Variants in COL12A1 observed in about 807,000 individuals in gnomAD.
COL12A1 encodes collagen type XII alpha 1 chain.
In COL12A1, 114 loss-of-function variants were observed where a neutral mutation model predicts 349.7. That is an observed-to-expected ratio of 0.33 (90% confidence interval 0.28 to 0.38). The LOEUF (loss-of-function observed/expected upper bound fraction) is 0.38, where lower values mean the gene tolerates loss of function less well. Among genes scored for constraint, COL12A1 ranks in the 10% least tolerant of loss-of-function variants. The pLI is 1.00. For missense variants in COL12A1, 3,284 were observed against 3,756.9 expected (o/e 0.87, Z 3.29); for synonymous variants, 1,369 against 1,329.0 (o/e 1.03, Z -0.66).
intron 21 of COL12A1, 35 bp from the exon 22 acceptor site, chr6:75,148,532 A>G: frequency 6.4e-7 from 1 of 1,572,032 alleles, no homozygotes; most frequent in Non-Finnish European, 8.7e-7. Context: ...CACTTTTCTC[A>G]TTATTGTAGA....
intron 13 of COL12A1, among the ~76,000 whole-genome samples, chr6:75,167,226 G>T (rs1768353915): frequency 6.6e-6 from 1 of 152,052 alleles, no homozygotes; most frequent in African/African-American, 2.4e-5. Flanking sequence ...TTGGCTGTGG[G>T]CTTCTTTGTT....
Position 75,113,313 on chromosome 6 carries a change from G to A in COL12A1, c.7841C>T (p.Pro2614Leu), listed in dbSNP as rs1194345062. The A allele has an allele frequency of 2.0e-6, 3 of 1,534,102 alleles. No homozygotes were observed. Among genetic ancestry groups the A allele is most frequent in the Non-Finnish European group, 2.6e-6 (3 of 1,142,050 alleles). Residue 2614 changes from proline to leucine, a missense_variant and splice_region_variant, in exon 51 of 66, where the codon CCT becomes CTT. By Grantham distance (98) the Pro-to-Leu change is moderately conservative. Transcript: ENST00000322507. The stretch of plus-strand genomic sequence containing the variant: ...AAAGAATGATAACGTCTTGCTAGAA[G>A]CTGTAATCAACATAAAAGTGTTATT... ...YKPQVGVIADPSSKTLSFFNK... is the reference protein window; with the variant it reads ...YKPQVGVIADLSSKTLSFFNK...
rs572621051 is a variant in COL12A1, at chr6:75,118,630, T to C, written c.7354+413A>G. 1.2e-4 allele frequency among the ~76,000 whole-genome samples: 18 copies of C among 152,318 alleles called. No homozygotes were observed. The South Asian group carries it at 3.5e-3, about 30-fold the overall frequency. On this transcript the variant is annotated intron_variant, in intron 46 of 65. Coordinates refer to ENST00000322507, the MANE Select transcript of COL12A1 (RefSeq NM_004370.6). ...CTCAATACTCCTTATTTGCAACATATCTTTTAGCACTCATTAAGTCTGCAT... is the reference window on the plus strand; with the variant it reads ...CTCAATACTCCTTATTTGCAACATACCTTTTAGCACTCATTAAGTCTGCAT...
Position 75,134,772 on chromosome 6 carries a change from CAG to C in COL12A1, c.5476_5477del (p.Leu1826ValfsTer3). The C allele has an allele frequency of 6.2e-7, 1 of 1,612,610 alleles. No individual in the cohort carries two copies. The highest frequency in any genetic ancestry group is 8.5e-7 in the Non-Finnish European group (1 of 1,178,984). On this transcript the variant is annotated frameshift_variant, in exon 32 of 66. Coordinates refer to ENST00000322507, the MANE Select transcript of COL12A1 (RefSeq NM_004370.6). LOFTEE classifies it high-confidence loss of function. ...DTPYTITVSS[L>X]YPDGEGGRMT... ...TCCGACCTCCTTCACCATCAGGATA[CAG>C]AGAGGATACGGTGATAGTGTAAGGA...
intron 27 of COL12A1, among the ~76,000 whole-genome samples, chr6:75,140,961 C>A (rs1166703395): frequency 6.6e-6 from 1 of 152,164 alleles, no homozygotes; most frequent in Non-Finnish European, 1.5e-5. Context: ...GTAAAATACA[C>A]ACTGGATTTT....
chr6:75,191,541 G>A (rs1769930038), intron 5 of COL12A1, among the ~76,000 whole-genome samples, 160 bp downstream of exon 5: 1 of 151,942 alleles, frequency 6.6e-6, no homozygotes, highest in Non-Finnish European at 1.5e-5. Context: ...TAATGACTTA[G>A]TTATACATTA....
intron 25 of COL12A1, among the ~76,000 whole-genome samples, chr6:75,143,869 A>G (rs899274077): frequency 6.6e-6 from 1 of 152,232 alleles, no homozygotes; most frequent in Non-Finnish European, 1.5e-5. Flanking sequence ...AAGAAAACCC[A>G]GACACCTAAA....
intron 33 of COL12A1, 148 bp from the exon 34 acceptor site, chr6:75,133,570 T>C (rs1401383892): frequency 2.3e-6 from 2 of 852,940 alleles, no homozygotes; most frequent in African/African-American, 1.7e-5. Flanking sequence ...CATGACCTGT[T>C]ACAAGAGGTT....
At chr6:75,149,485 G>A (rs143206267) in intron 21 of COL12A1, among the ~76,000 whole-genome samples, 84 of 152,052 alleles carry the variant, frequency 5.5e-4, no homozygotes, top group Middle Eastern at 3.4e-3. Context: ...ACAACCTACC[G>A]CCTGTGATTG....
intron 46 of COL12A1, 37 bp from the exon 47 acceptor site, chr6:75,117,583 C>A: frequency 6.3e-7 from 1 of 1,594,764 alleles, no homozygotes; most frequent in South Asian, 1.1e-5. Context: ...TCACGTATCT[C>A]TTTTTCTGTC....
intron 3 of COL12A1, among the ~76,000 whole-genome samples, chr6:75,193,051 A>G (rs139685930): frequency 1.3e-5 from 2 of 152,294 alleles, no homozygotes; most frequent in East Asian, 3.9e-4. Context: ...ATTTTTAATT[A>G]TATTGTTTTC....
chr6:75,091,164 C>T (rs542833805), intron 62 of COL12A1, among the ~76,000 whole-genome samples, 159 bp downstream of exon 62: 97 of 152,220 alleles, frequency 6.4e-4, no homozygotes, highest in African/African-American at 2.2e-3. Context: ...TCATTAACTT[C>T]ATCTAATCAG....
intron 2 of COL12A1, among the ~76,000 whole-genome samples, chr6:75,197,343 G>C (rs551470238): frequency 3.0e-5 from 4 of 132,818 alleles, no homozygotes; most frequent in Admixed American, 2.5e-4. Context: ...ACGGAGTTTC[G>C]CTCTTGTTGC....
At chr6:75,189,051 C>A (rs1769784561) in intron 7 of COL12A1, among the ~76,000 whole-genome samples, 166 bp downstream of exon 7, 1 of 151,986 alleles carries the variant, frequency 6.6e-6, no homozygotes, top group Non-Finnish European at 1.5e-5. Flanking sequence ...AATAGATAAG[C>A]AGAATTTTTA....
At chr6:75,194,141 A>G (rs1268466516) in intron 3 of COL12A1, among the ~76,000 whole-genome samples, 1 of 152,190 alleles carries the variant, frequency 6.6e-6, no homozygotes, top group East Asian at 1.9e-4. Context: ...TAGATCCTTA[A>G]GGAATCGCCA....
chr6:75,118,999 A>G (rs1353150850), intron 46 of COL12A1, 44 bp downstream of exon 46: 4 of 1,610,322 alleles, frequency 2.5e-6, no homozygotes, highest in Non-Finnish European at 2.5e-6. Flanking sequence ...AACATTTAAA[A>G]ATGTTAAAAT....
chr6:75,102,435 T>C (rs972426264), intron 56 of COL12A1, among the ~76,000 whole-genome samples, 162 bp downstream of exon 56: 1 of 152,040 alleles, frequency 6.6e-6, no homozygotes, highest in African/African-American at 2.4e-5. Context: ...CATAGTCTAT[T>C]TACGTATCTA....
At chr6:75,114,089 T>C (rs1768965361) in intron 49 of COL12A1, among the ~76,000 whole-genome samples, 1 of 151,946 alleles carries the variant, frequency 6.6e-6, no homozygotes, top group Non-Finnish European at 1.5e-5. Flanking sequence ...CAGAGTATTA[T>C]AAAATTATAT....
At chr6:75,193,720 TC>T (rs1770072228) in intron 3 of COL12A1, among the ~76,000 whole-genome samples, 1 of 143,148 alleles carries the variant, frequency 7.0e-6, no homozygotes, top group South Asian at 2.5e-4. Context: ...ATGCTATCCC[TC>T]CCCCCTCCCC....
Sources: gnomAD v4.1 joint callset for allele counts (sites outside exome capture counted in the v4.1 genomes callset) on GRCh38, gnomAD v4.1.1 for gene constraint, MANE v1.5 for transcripts, NCBI Gene and HGNC (gene_info 2026-07-23, HGNC 2026-07-21) for gene names.